Variants in MTFR1 observed in about 807,000 individuals in gnomAD.
The protein encoded by MTFR1 is chondrocyte protein with a poly-proline region.
MTFR1 carries 28 observed loss-of-function variants against 38.8 expected under a neutral mutation model. The ratio of observed to expected loss-of-function variants is 0.72; its 90% CI spans 0.53 to 0.99. MTFR1 has a LOEUF of 0.99. MTFR1 is among the 50% of genes least tolerant of loss of function. The pLI is 0.00. For missense variants in MTFR1, 358 were observed against 395.5 expected, an observed-to-expected ratio of 0.91 and a Z score of 0.81; for synonymous variants, 145 against 137.0, an observed-to-expected ratio of 1.06 and a Z score of -0.41.
chr8:65,684,292 A>C (rs1345888322), intron 3 of MTFR1, among the ~76,000 whole-genome samples: 1 of 152,230 alleles, frequency 6.6e-6, no homozygotes, highest in African/African-American at 2.4e-5. Context: ...GGAGAAGAGT[A>C]AGGTACGAGA....
At chr8:65,715,525 G>A (rs1432965360), downstream of MTFR1, among the ~76,000 whole-genome samples, 1 of 151,656 alleles carries the variant, frequency 6.6e-6, no homozygotes, top group African/African-American at 2.4e-5. Flanking sequence ...TTACAGGAAT[G>A]CGCCACCACG....
chr8:65,771,009 T>C (rs1372626274), exon 4 of MTFR1: 1 of 361,764 alleles, frequency 2.8e-6, no homozygotes, highest in East Asian at 1.0e-4. Flanking sequence ...CTACTGAAGA[T>C]AAATTTATAA....
intron 1 of MTFR1, among the ~76,000 whole-genome samples, chr8:65,655,049 TTAAG>T (rs1809218752): frequency 6.6e-6 from 1 of 152,220 alleles, no homozygotes. Flanking sequence ...CCAGGATCAC[TTAAG>T]ATATTTGAAT....
chr8:65,711,271 T>C (rs1805935672), downstream of MTFR1, among the ~76,000 whole-genome samples: 1 of 152,190 alleles, frequency 6.6e-6, no homozygotes, highest in South Asian at 2.1e-4. Context: ...CCCAGGCCCT[T>C]CTACATAAGA....
At chr8:65,756,752 G>A (rs1028302855) in intron 3 of MTFR1, among the ~76,000 whole-genome samples, 3 of 151,940 alleles carry the variant, frequency 2.0e-5, no homozygotes, top group African/African-American at 4.8e-5. Flanking sequence ...GGCTTCCTCC[G>A]GGGTGGTTTA....
intron 3 of MTFR1, among the ~76,000 whole-genome samples, chr8:65,758,984 G>A (rs989686707): frequency 9.9e-5 from 15 of 152,080 alleles, no homozygotes; most frequent in African/African-American, 1.2e-4. Context: ...TGTTCTTACC[G>A]TCATTATGTG....
chr8:65,730,488 T>G (rs1435179080), intron 3 of MTFR1, among the ~76,000 whole-genome samples: 17 of 151,962 alleles, frequency 1.1e-4, no homozygotes. Flanking sequence ...CCAGCACACT[T>G]CTTATAAGAA....
chr8:65,672,246 A>G (rs553147915), intron 2 of MTFR1, among the ~76,000 whole-genome samples: 4 of 152,340 alleles, frequency 2.6e-5, no homozygotes, highest in African/African-American at 9.6e-5. Context: ...TATAAAACCA[A>G]ATTTTCTTCT....
chr8:65,696,885 T>G (rs1414375717), intron 4 of MTFR1, among the ~76,000 whole-genome samples: 2 of 151,644 alleles, frequency 1.3e-5, no homozygotes, highest in African/African-American at 4.8e-5. Context: ...GGTCTTGAAC[T>G]CCTGACCTCA....
intron 4 of MTFR1, among the ~76,000 whole-genome samples, chr8:65,694,072 C>CTTTTT (rs773434384): frequency 2.7e-5 from 3 of 109,654 alleles, no homozygotes; most frequent in African/African-American, 3.4e-5. Flanking sequence ...CTGGCTAATT[C>CTTTTT]TTTTTTTTTT....
chr8:65,703,766 T>C (rs80311124), intron 4 of MTFR1, among the ~76,000 whole-genome samples: 16,001 of 152,174 alleles, frequency 0.11, 1,908 homozygotes, highest in East Asian at 0.53. Context: ...TATTTGTTTT[T>C]ATTTCTTAAA....
downstream of MTFR1, among the ~76,000 whole-genome samples, chr8:65,711,659 C>T (rs1805951752): frequency 1.3e-5 from 2 of 152,190 alleles, no homozygotes; most frequent in South Asian, 4.1e-4. Context: ...ACCTTATAAA[C>T]AATCTAGCTC....
intron 3 of MTFR1, chr8:65,725,036 A>G (rs1563470655): frequency 1.9e-6 from 1 of 513,844 alleles, no homozygotes; most frequent in South Asian, 5.8e-5. Context: ...ATATCCAACT[A>G]TCATTCAATT....
chr8:65,741,430 TAACC>T (rs2128902741), intron 3 of MTFR1, among the ~76,000 whole-genome samples: 1 of 152,336 alleles, frequency 6.6e-6, no homozygotes, highest in South Asian at 2.1e-4. Flanking sequence ...TAAAACTGCC[TAACC>T]AACTGCCAAC....
chr8:65,729,586 G>C (rs1471198153), intron 3 of MTFR1, among the ~76,000 whole-genome samples: 1 of 151,770 alleles, frequency 6.6e-6, no homozygotes, highest in East Asian at 1.9e-4. Context: ...ATTTTTTTGT[G>C]ACAGAGTCTT....
At chr8:65,769,580 C>T (rs1808977086) in intron 3 of MTFR1, among the ~76,000 whole-genome samples, 2 of 152,156 alleles carry the variant, frequency 1.3e-5, no homozygotes, top group Admixed American at 1.3e-4. Context: ...CAGAACTGGC[C>T]TAAATTTCAG....
intron 1 of MTFR1, among the ~76,000 whole-genome samples, chr8:65,664,933 AT>A (rs374209617): frequency 0.16 from 20,097 of 125,670 alleles, 1,516 homozygotes; most frequent in Middle Eastern, 0.22. Context: ...TTAAAAAAAA[AT>A]TTTTTTTTTT....
At chr8:65,720,528 G>C (rs1204262152) in intron 3 of MTFR1, 5 of 154,036 alleles carry the variant, frequency 3.2e-5, no homozygotes, top group African/African-American at 1.2e-4. Flanking sequence ...AGTTATATAT[G>C]GTCTGATGGC....
chr8:65,703,419 G>GTTTTTTTT lies in MTFR1; in HGVS notation c.282-1250_282-1243dup, dbSNP rs553260839. Among the ~76,000 whole-genome samples, 263 of 50,962 alleles carry GTTTTTTTT rather than the reference G, an allele frequency of 5.2e-3. 41 individuals carry two copies. Among genetic ancestry groups the GTTTTTTTT allele is most frequent in the Non-Finnish European group, 5.9e-3 (171 of 29,098 alleles). The allele number at this position is 50,962 out of a possible 152,430, so 33.4% of individuals were successfully genotyped here. On this transcript the variant is annotated intron_variant, in intron 4 of 7. Coordinates refer to ENST00000262146, the MANE Select transcript of MTFR1 (RefSeq NM_014637.4). ...GGTACATCCATGCTTGATGTCTCTG[G>GTTTTTTTT]TTTTTTTTTTTTTTTTTTTTTTTTT...
Sources: gnomAD v4.1 joint callset for allele counts (sites outside exome capture counted in the v4.1 genomes callset) on GRCh38, gnomAD v4.1.1 for gene constraint, MANE v1.5 for transcripts, NCBI Gene and HGNC (gene_info 2026-07-23, HGNC 2026-07-21) for gene names.